The following SYNE1 variants were observed in gnomAD, a reference collection of about 807,000 sequenced individuals.
SYNE1 encodes spectrin repeat containing nuclear envelope protein 1.
Under a neutral mutation model 1,111.0 loss-of-function variants are expected in SYNE1, and 616 were observed. The ratio of observed to expected loss-of-function variants is 0.55; its 90% CI spans 0.52 to 0.59. The LOEUF is 0.59. SYNE1 is among the 20% of genes least tolerant of loss of function. The probability of loss-of-function intolerance (pLI) is 0.00; values close to 1 mark genes in which losing one functional copy is unlikely to be tolerated. For synonymous variants in SYNE1, 3,855 were observed against 3,825.8 expected (o/e 1.01, Z -0.28); for missense variants, 10,006 against 10,417.0 (o/e 0.96, Z 1.72).
rs1373451833 is a variant in SYNE1, at chr6:152,133,414, C to T, written c.25863G>A (p.Val8621=). Residue 8621 remains valine, a synonymous_variant, in exon 143 of 146, where the codon GTG becomes GTA. Coordinates refer to ENST00000367255, the MANE Select transcript of SYNE1 (RefSeq NM_182961.4). Reference sequence around the variant, plus strand: ...CTAAACAGTCTGTTCCTTCAGCATTCACCAGTAGTTGGCAAGACATGTCTT... The same window carrying T: ...CTAAACAGTCTGTTCCTTCAGCATTTACCAGTAGTTGGCAAGACATGTCTT... ...SLQDMSCQLL[V]NAEGTDCLEA... is the part of the protein sequence containing the mutation. The T allele has an allele frequency of 1.9e-6, 3 of 1,614,168 alleles. No homozygotes were observed. The highest frequency in any genetic ancestry group is 3.3e-4 in the Middle Eastern group (2 of 6,062).
At chr6:152,206,846 G>A (rs1162357010) in intron 125 of SYNE1, among the ~76,000 whole-genome samples, 1 of 152,120 alleles carries the variant, frequency 6.6e-6, no homozygotes, top group Non-Finnish European at 1.5e-5. Flanking sequence ...ACTAAGTATG[G>A]TTTTCAGTGG....
intron 59 of SYNE1, among the ~76,000 whole-genome samples, chr6:152,370,747 G>A (rs1235240362): frequency 6.6e-6 from 1 of 152,184 alleles, no homozygotes; most frequent in Non-Finnish European, 1.5e-5. Context: ...CCAAGAGGGA[G>A]TACATAAAGG....
At chr6:152,598,108 G>T (rs966057929) in intron 3 of SYNE1, among the ~76,000 whole-genome samples, 17 of 152,098 alleles carry the variant, frequency 1.1e-4, no homozygotes, top group Non-Finnish European at 2.2e-4. Context: ...ATATGGTTTG[G>T]CTGTGTCCCC....
Position 152,463,466 on chromosome 6 carries a change from C to T in SYNE1, c.1984G>A (p.Asp662Asn), listed in dbSNP as rs755573339. 5.6e-6 allele frequency: 9 copies of T among 1,613,526 alleles called. No homozygotes were observed. Among genetic ancestry groups the T allele is most frequent in the Admixed American group, 1.7e-5 (1 of 59,938 alleles). The change falls in exon 19 of 146, where the codon GAT (aspartate) becomes AAT (asparagine). Residue 662 changes from aspartate to asparagine, a missense_variant. Physicochemically the swap from Asp to Asn is conservative, Grantham distance 23. Coordinates refer to ENST00000367255, the MANE Select transcript of SYNE1 (RefSeq NM_182961.4). The part of the protein sequence containing the change: ...HWIQQHTAMN[D>N]AGNFLIETCD... ...GTTTCAATTAGAAAATTGCCAGCAT[C>T]GTTCATGGCAGTATGCTGCTGAATC...
Position 152,573,407 on chromosome 6 carries a change from C to A in SYNE1, c.68-33386G>T, listed in dbSNP as rs184718051. On this transcript the variant is annotated intron_variant, in intron 3 of 145. Coordinates refer to ENST00000367255, the MANE Select transcript of SYNE1 (RefSeq NM_182961.4). Reference sequence around the variant, plus strand: ...CCATGTGTTCTCATTGTTCAATTCCCACCTATGAGTGAGAACATGCGGTGT... The same window carrying A: ...CCATGTGTTCTCATTGTTCAATTCCAACCTATGAGTGAGAACATGCGGTGT... Among the ~76,000 whole-genome samples the A allele has an allele frequency of 2.4e-3, 361 of 147,574 alleles. 1 individual carries two copies. The highest frequency in any genetic ancestry group is 7.0e-3 in the Middle Eastern group (2 of 286).
Position 152,465,396 on chromosome 6 carries a change from TGA to T in SYNE1, c.1792_1793del (p.Val599ArgfsTer15). Reference sequence around the variant, plus strand: ...TGCTCCTCACACTCCTCACTTCTACTGAGAGATTCCTCCACTGAGCGGTGGTT... The same window carrying T: ...TGCTCCTCACACTCCTCACTTCTACTGAGATTCCTCCACTGAGCGGTGGTT... ...NETTAQWRNL[S>X]VEVRSVRSML... On this transcript the variant is annotated frameshift_variant, in exon 18 of 146. Coordinates refer to ENST00000367255, the MANE Select transcript of SYNE1 (RefSeq NM_182961.4). LOFTEE classifies it high-confidence loss of function. 6.2e-7 allele frequency: 1 copy of T among 1,613,818 alleles called. No homozygotes were observed. Among genetic ancestry groups the T allele is most frequent in the Non-Finnish European group, 8.5e-7 (1 of 1,179,818 alleles).
In SYNE1 at chr6:152,306,563, T is replaced by C. The variant is rs146216869; in HGVS notation, c.17346+1926A>G. On this transcript the variant is annotated intron_variant, in intron 91 of 145. Transcript: ENST00000367255. Reference sequence around the variant, plus strand: ...GTTGGTATAAAAAAGTGATGTAAAATTTTGTAAGTTACTTTAAAAAACATA... The same window carrying C: ...GTTGGTATAAAAAAGTGATGTAAAACTTTGTAAGTTACTTTAAAAAACATA... 3.7e-3 allele frequency among the ~76,000 whole-genome samples: 560 copies of C among 151,102 alleles called. 1 individual carries two copies. Among genetic ancestry groups the C allele is most frequent in the African/African-American group, 9.3e-3 (383 of 41,188 alleles).
chr6:152,364,581 T>C (rs1416935778), intron 63 of SYNE1, among the ~76,000 whole-genome samples: 1 of 151,600 alleles, frequency 6.6e-6, no homozygotes, highest in Non-Finnish European at 1.5e-5. Context: ...GTTTCTTTTG[T>C]TCTAATAAGA....
chr6:152,394,788 C>CTTTTT (rs11358769), intron 51 of SYNE1, among the ~76,000 whole-genome samples: 2 of 125,728 alleles, frequency 1.6e-5, no homozygotes, highest in Non-Finnish European at 3.3e-5. Context: ...TTTCTTTTTC[C>CTTTTT]TTTTTTTTTT....
At chr6:152,262,904 G>A (rs571795029) in intron 100 of SYNE1, among the ~76,000 whole-genome samples, 2 of 151,952 alleles carry the variant, frequency 1.3e-5, no homozygotes, top group African/African-American at 4.8e-5. Flanking sequence ...CGGAGGGATA[G>A]TACAGGGCCT....
At chr6:152,136,554 C>A in intron 141 of SYNE1, 64 bp downstream of exon 141, 1 of 1,592,228 alleles carries the variant, frequency 6.3e-7, no homozygotes, top group South Asian at 1.1e-5. Context: ...TACATCAAGT[C>A]ACACACTCAG....
At chr6:152,369,982 CAAAAAAAAAAA>C (rs778013525) in intron 59 of SYNE1, among the ~76,000 whole-genome samples, 69 of 49,988 alleles carry the variant, frequency 1.4e-3, no homozygotes, top group African/African-American at 5.4e-3. Flanking sequence ...GACTCTGTCT[CAAAAAAAAAAA>C]AAAAAAAAAA....
chr6:152,354,118 C>T (rs898154511), intron 67 of SYNE1, among the ~76,000 whole-genome samples: 3 of 151,832 alleles, frequency 2.0e-5, no homozygotes, highest in Non-Finnish European at 2.9e-5. Flanking sequence ...CCAGCTTGGG[C>T]GACAGAGCAA....
chr6:152,319,675 T>C (rs955294039), intron 84 of SYNE1, among the ~76,000 whole-genome samples: 3 of 151,594 alleles, frequency 2.0e-5, no homozygotes, highest in African/African-American at 7.3e-5. Context: ...TTTCTTTATG[T>C]AGTTAAAGGT....
chr6:152,254,982 A>AGAT lies in SYNE1; in HGVS notation c.19367_19368insATC (p.Asp6456delinsGluSer). The AGAT allele has an allele frequency of 6.2e-7, 1 of 1,614,034 alleles. No individual in the cohort carries two copies. The highest frequency in any genetic ancestry group is 1.7e-5 in the Admixed American group (1 of 60,018). Reference sequence around the variant, plus strand: ...ACCTGCCCAAAAGACAACCCAAAGTATCTTCAATAACATCTCGATTATCAC... The same window carrying AGAT: ...ACCTGCCCAAAAGACAACCCAAAGTAGATTCTTCAATAACATCTCGATTATCAC... On this transcript the variant is annotated protein_altering_variant, in exon 104 of 146. Coordinates refer to ENST00000367255, the MANE Select transcript of SYNE1 (RefSeq NM_182961.4).
At chr6:152,502,469 A>C (rs1412601637) in intron 10 of SYNE1, among the ~76,000 whole-genome samples, 164 bp downstream of exon 10, 1 of 152,202 alleles carries the variant, frequency 6.6e-6, no homozygotes, top group Non-Finnish European at 1.5e-5. Flanking sequence ...AAACCAGAAA[A>C]ACCCTTTCCT....
chr6:152,397,689 G>T (rs2097756958), intron 49 of SYNE1, among the ~76,000 whole-genome samples: 1 of 151,986 alleles, frequency 6.6e-6, no homozygotes, highest in Non-Finnish European at 1.5e-5. Context: ...AATCCTCATG[G>T]TTCTCATTAG....
chr6:152,497,704 G>A (rs1166015029), intron 11 of SYNE1, among the ~76,000 whole-genome samples: 1 of 152,220 alleles, frequency 6.6e-6, no homozygotes, highest in Non-Finnish European at 1.5e-5. Flanking sequence ...GTGTCTAGCA[G>A]ATTGCAATAA....
intron 56 of SYNE1, among the ~76,000 whole-genome samples, chr6:152,379,286 T>A (rs555016743): frequency 7.2e-4 from 110 of 152,272 alleles, no homozygotes; most frequent in African/African-American, 2.5e-3. Flanking sequence ...TTCCACCTTA[T>A]ACAGCTTAAG....
Sources: allele counts gnomAD v4.1 joint callset (sites outside exome capture counted in the v4.1 genomes callset), GRCh38; gene constraint gnomAD v4.1.1; transcripts MANE v1.5; gene names NCBI Gene and HGNC (gene_info 2026-07-23, HGNC 2026-07-21).